The following TANC2 variants were observed in gnomAD, a reference collection of about 807,000 sequenced individuals.
TANC2 encodes tetratricopeptide repeat, ankyrin repeat and coiled-coil containing 2.
Under a neutral mutation model 210.5 loss-of-function variants are expected in TANC2, and 26 were observed. That is an observed-to-expected ratio of 0.12 (90% confidence interval 0.09 to 0.17). The LOEUF is 0.17. TANC2 is among the 10% of genes least tolerant of loss of function. The pLI is 1.00. For missense variants in TANC2, 2,129 were observed against 2,608.9 expected, an observed-to-expected ratio of 0.82 and a Z score of 4.01; for synonymous variants, 931 against 967.1, an observed-to-expected ratio of 0.96 and a Z score of 0.69.
intron 14 of TANC2, among the ~76,000 whole-genome samples, 194 bp from the exon 15 acceptor site, chr17:63,379,524 C>A (rs1234069439): frequency 6.6e-6 from 1 of 152,126 alleles, no homozygotes; most frequent in Non-Finnish European, 1.5e-5. Context: ...GAAAAATTAG[C>A]CAGACATGGT....
At chr17:63,171,496 G>GATGTTT (rs1191835295) in intron 5 of TANC2, among the ~76,000 whole-genome samples, 1 of 152,134 alleles carries the variant, frequency 6.6e-6, no homozygotes, top group African/African-American at 2.4e-5. Flanking sequence ...AGGTGAAGCT[G>GATGTTT]ATGTTTATAT....
chr17:63,415,562 A>G (rs1251593257), exon 26 of TANC2: 1 of 1,613,950 alleles, frequency 6.2e-7, no homozygotes. Context: ...CAGCGCTACC[A>G]GTACGCCCTG....
At chr17:63,045,978 A>G (rs1388466767) in intron 2 of TANC2, among the ~76,000 whole-genome samples, 5 of 152,014 alleles carry the variant, frequency 3.3e-5, no homozygotes, top group Non-Finnish European at 5.9e-5. Context: ...TCTATATTCT[A>G]TTTGGTCATA....
At chr17:63,312,257 T>C (rs1036771839) in intron 9 of TANC2, among the ~76,000 whole-genome samples, 2 of 152,178 alleles carry the variant, frequency 1.3e-5, no homozygotes, top group Admixed American at 6.5e-5. Context: ...AAAAGACATA[T>C]GCATGCGTAT....
chr17:63,242,623 T>G lies in TANC2; in HGVS notation c.1033+4546T>G, dbSNP rs118050871. 9.7e-3 allele frequency among the ~76,000 whole-genome samples: 1,480 copies of G among 152,156 alleles called. 13 individuals carry two copies. The highest frequency in any genetic ancestry group is 0.016 in the Non-Finnish European group (1,074 of 68,000). Reference sequence around the variant, plus strand: ...AATTATAATATATGTAAGAGAGATATGAGGTCAAAAATGAGTGGGATTCAT... The same window carrying G: ...AATTATAATATATGTAAGAGAGATAGGAGGTCAAAAATGAGTGGGATTCAT... On this transcript the variant is annotated intron_variant, in intron 8 of 27. Transcript: ENST00000689528.
rs1275003862 is a variant in TANC2, at chr17:63,006,845, CTG to C, written c.-23-2689_-23-2688del. ...AAAGGTGTGTTGGTCTCCCATGTAA[CTG>C]TGGATTTGTCTGTCACCTTTTAGTT... On this transcript the variant is annotated intron_variant, in intron 1 of 27. Coordinates refer to ENST00000689528, the Ensembl canonical transcript of TANC2. Among the ~76,000 whole-genome samples the C allele has an allele frequency of 2.0e-5, 3 of 152,050 alleles. No individual in the cohort carries two copies. The East Asian group carries it at 5.8e-4, about 29-fold the overall frequency.
intron 3 of TANC2, among the ~76,000 whole-genome samples, chr17:63,083,874 A>G (rs2036865639): frequency 6.6e-6 from 1 of 152,116 alleles, no homozygotes; most frequent in African/African-American, 2.4e-5. Context: ...CCTTTTATAC[A>G]TTTTTGGATT....
intron 4 of TANC2, among the ~76,000 whole-genome samples, chr17:63,120,353 G>A (rs1598427220): frequency 2.6e-5 from 4 of 151,888 alleles, no homozygotes; most frequent in Admixed American, 2.6e-4. Context: ...TGTATGTTAG[G>A]TTTTCTTAAA....
chr17:63,055,994 T>A (rs1230799260), intron 2 of TANC2, among the ~76,000 whole-genome samples: 211 of 13,876 alleles, frequency 0.015, 1 homozygote, highest in African/African-American at 0.033. Context: ...AAAAAAAATA[T>A]ATATATATAT....
intron 21 of TANC2, among the ~76,000 whole-genome samples, chr17:63,409,953 T>C (rs985194734): frequency 1.3e-5 from 2 of 152,244 alleles, no homozygotes; most frequent in African/African-American, 4.8e-5. Context: ...GCATTTCTAA[T>C]CCAAAAATGT....
intron 2 of TANC2, among the ~76,000 whole-genome samples, chr17:63,016,697 TTCTC>T (rs2034125999): frequency 6.6e-6 from 1 of 152,192 alleles, no homozygotes; most frequent in South Asian, 2.1e-4. Flanking sequence ...GGGTTCCAAT[TTCTC>T]CACATCCTTG....
At chr17:63,078,704 T>C (rs1050460001) in intron 3 of TANC2, among the ~76,000 whole-genome samples, 4 of 152,184 alleles carry the variant, frequency 2.6e-5, no homozygotes, top group Admixed American at 6.5e-5. Flanking sequence ...TTTTCAGATA[T>C]CTTTCTCTTA....
intron 8 of TANC2, among the ~76,000 whole-genome samples, chr17:63,258,135 C>T (rs950278813): frequency 6.6e-6 from 1 of 152,142 alleles, no homozygotes; most frequent in East Asian, 1.9e-4. Context: ...CGCTATTCTA[C>T]CATAGAATTT....
intron 2 of TANC2, among the ~76,000 whole-genome samples, chr17:63,060,843 A>G (rs1040384344): frequency 2.6e-5 from 4 of 152,164 alleles, no homozygotes; most frequent in African/African-American, 9.7e-5. Flanking sequence ...ACTGAATGTA[A>G]AATCTTTAGC....
In TANC2 at chr17:63,412,014, A is replaced by G. The variant is rs774426806; in HGVS notation, c.3782A>G (p.Asp1261Gly). The G allele has an allele frequency of 1.9e-6, 3 of 1,613,752 alleles. No individual in the cohort carries two copies. Among genetic ancestry groups the G allele is most frequent in the South Asian group, 2.2e-5 (2 of 91,076 alleles). ...GTGTCCTAGGTCCAGTTCCTGGTAG[A>G]TCATGGGGCCATGATCGAGCACGTT... Residue 1261 changes from aspartate to glycine, a missense_variant, in exon 23 of 28, where the codon GAT becomes GGT. This residue lies in a region of TANC2 where 644 missense variants were observed against 937.5 expected (regional missense o/e 0.69). Transcript: ENST00000689528. This position sits in a 1 kb window ranked among gnomAD's most constrained non-coding sequence, Gnocchi z 4.2.
At chr17:63,362,587 C>T (rs2046997587) in intron 14 of TANC2, among the ~76,000 whole-genome samples, 1 of 152,230 alleles carries the variant, frequency 6.6e-6, no homozygotes, top group Non-Finnish European at 1.5e-5. Flanking sequence ...CCTCAGCCTC[C>T]CTCCCATGCT....
At chr17:63,136,116 A>G (rs1598453448) in intron 4 of TANC2, among the ~76,000 whole-genome samples, 2 of 152,218 alleles carry the variant, frequency 1.3e-5, no homozygotes, top group South Asian at 4.1e-4. Context: ...ATAAAGATTT[A>G]CAGATAAATG....
intron 1 of TANC2, among the ~76,000 whole-genome samples, chr17:62,979,303 G>A (rs537902225): frequency 6.6e-6 from 1 of 151,822 alleles, no homozygotes; most frequent in Admixed American, 6.6e-5. Flanking sequence ...TCTGACCCCA[G>A]TTTTTTCTCT....
At chr17:63,398,720 G>T in intron 18 of TANC2, 101 bp from the exon 19 acceptor site, 1 of 696,418 alleles carries the variant, frequency 1.4e-6, no homozygotes, top group Non-Finnish European at 2.4e-6. Context: ...AAGAGATTTA[G>T]TGATACTTGG....
Sources: gnomAD v4.1 joint callset for allele counts (sites outside exome capture counted in the v4.1 genomes callset) on GRCh38, gnomAD v4.1.1 for gene constraint, gnomAD v4.1.1 regional missense constraint, Gnocchi (gnomAD v3.1) non-coding constraint, MANE v1.5 for transcripts, NCBI Gene and HGNC (gene_info 2026-07-23, HGNC 2026-07-21) for gene names.